SNTG1: variants seen among roughly 807,000 people sequenced by gnomAD.
SNTG1 encodes gamma-1-syntrophin.
SNTG1 carries 39 observed loss-of-function variants against 74.7 expected under a neutral mutation model. The ratio of observed to expected loss-of-function variants is 0.52; its 90% CI spans 0.40 to 0.68. The LOEUF is 0.68. SNTG1 is among the 30% of genes least tolerant of loss of function. The pLI is 0.00. For synonymous variants in SNTG1, 254 were observed against 217.1 expected (o/e 1.17, Z -1.49); for missense variants, 685 against 609.5 (o/e 1.12, Z -1.30).
chr8:50,092,801 G>A (rs1455171355), intron 1 of SNTG1, among the ~76,000 whole-genome samples: 6 of 151,992 alleles, frequency 3.9e-5, no homozygotes, highest in East Asian at 1.9e-4. Context: ...AATATTATTC[G>A]ACAGTCTCTG....
In SNTG1 at chr8:50,792,903, G is replaced by A; in HGVS notation, c.*74G>A. ...CATTTACTCATCATTTTAGACCCTAGAGAAACCATAACATCACCAAGTCGA... is the reference window on the plus strand; with the variant it reads ...CATTTACTCATCATTTTAGACCCTAAAGAAACCATAACATCACCAAGTCGA... On this transcript the variant is annotated 3_prime_UTR_variant, in exon 19 of 19. Transcript: ENST00000642720. 1 of 1,437,462 alleles carries A rather than the reference G, an allele frequency of 7.0e-7. No homozygotes were observed. The highest frequency in any genetic ancestry group is 9.2e-7 in the Non-Finnish European group (1 of 1,085,802). 89.0% of individuals were successfully genotyped at this position (1,437,462 alleles called of 1,614,324 possible).
chr8:50,427,768 C>A (rs911034197), intron 4 of SNTG1, among the ~76,000 whole-genome samples: 3 of 144,444 alleles, frequency 2.1e-5, no homozygotes, highest in South Asian at 2.1e-4. Flanking sequence ...ATTCTCAGAA[C>A]AAATTTACTC....
chr8:50,267,350 G>A (rs555102280), intron 2 of SNTG1, among the ~76,000 whole-genome samples: 9 of 152,118 alleles, frequency 5.9e-5, no homozygotes, highest in Non-Finnish European at 1.2e-4. Context: ...AGTGGGTGAA[G>A]CATTTGAATA....
chr8:50,591,739 A>T (rs1172784382), intron 13 of SNTG1, among the ~76,000 whole-genome samples: 1 of 152,328 alleles, frequency 6.6e-6, no homozygotes, highest in East Asian at 1.9e-4. Context: ...GCCATGTGTA[A>T]CTAGAACACT....
chr8:50,506,376 A>C (rs543528068), intron 9 of SNTG1, among the ~76,000 whole-genome samples: 2 of 152,206 alleles, frequency 1.3e-5, no homozygotes, highest in East Asian at 3.9e-4. Flanking sequence ...CTATTTCTGC[A>C]AAATAATACC....
intron 1 of SNTG1, among the ~76,000 whole-genome samples, chr8:50,030,768 G>A (rs991112036): frequency 6.6e-6 from 1 of 151,844 alleles, no homozygotes; most frequent in Non-Finnish European, 1.5e-5. Flanking sequence ...TTAATTGAAT[G>A]AAATGTTTTC....
At chr8:50,199,859 A>G (rs1257221437) in intron 2 of SNTG1, among the ~76,000 whole-genome samples, 1 of 152,140 alleles carries the variant, frequency 6.6e-6, no homozygotes, top group Non-Finnish European at 1.5e-5. Flanking sequence ...TGTAGGGAAT[A>G]TTGATTCTGA....
At position 50,138,310 on chromosome 8, in the gene SNTG1, T is replaced by A. The variant is rs570509755; in HGVS notation, c.-102-34251T>A. 3.9e-5 allele frequency among the ~76,000 whole-genome samples: 6 copies of A among 152,012 alleles called. No individual in the cohort carries two copies. The South Asian group carries it at 1.2e-3, about 32-fold the overall frequency. ...ATTCAGCATGATGCCACTGGAAATA[T>A]ACCAACCTTAATAATAAGAGTTCTG... On this transcript the variant is annotated intron_variant, in intron 1 of 18. Coordinates refer to ENST00000642720, the MANE Select transcript of SNTG1 (RefSeq NM_018967.5).
At position 50,437,552 on chromosome 8, in the gene SNTG1, A is replaced by G. The variant is rs911467973; in HGVS notation, c.163-991A>G. ...AACAAGAGAATGAGGGAAGCAATTCATCTGTAAGAAAGAGGGCAGTATTTA... is the reference window on the plus strand; with the variant it reads ...AACAAGAGAATGAGGGAAGCAATTCGTCTGTAAGAAAGAGGGCAGTATTTA... On this transcript the variant is annotated intron_variant, in intron 4 of 18. Coordinates refer to ENST00000642720, the MANE Select transcript of SNTG1 (RefSeq NM_018967.5). Among the ~76,000 whole-genome samples, 10 of 152,186 alleles carry G rather than the reference A, an allele frequency of 6.6e-5. No individual in the cohort carries two copies. In the East Asian group the frequency reaches 1.7e-3, roughly 26 times the overall value.
At chr8:50,629,438 A>G (rs1170598917) in intron 13 of SNTG1, among the ~76,000 whole-genome samples, 3 of 152,098 alleles carry the variant, frequency 2.0e-5, no homozygotes, top group Non-Finnish European at 4.4e-5. Context: ...AGATAACTCA[A>G]TTTAGATATT....
At chr8:50,760,290 CAG>C (rs768476176) in intron 18 of SNTG1, among the ~76,000 whole-genome samples, 22 of 152,178 alleles carry the variant, frequency 1.4e-4, no homozygotes, top group Non-Finnish European at 2.6e-4. Context: ...CATCTGCAAA[CAG>C]AAATATTTTG....
intron 2 of SNTG1, among the ~76,000 whole-genome samples, chr8:50,254,127 G>A (rs923314922): frequency 6.6e-6 from 1 of 152,228 alleles, no homozygotes; most frequent in Non-Finnish European, 1.5e-5. Context: ...ATTATACAAT[G>A]TATATATGTA....
intron 12 of SNTG1, among the ~76,000 whole-genome samples, chr8:50,584,533 C>T (rs1476107560): frequency 1.1e-4 from 11 of 98,272 alleles, no homozygotes; most frequent in Non-Finnish European, 1.5e-4. Flanking sequence ...TTTTTTTTGA[C>T]ACGGTGTTTC....
chr8:50,792,858 A>G lies in SNTG1; in HGVS notation c.*29A>G. On this transcript the variant is annotated 3_prime_UTR_variant, in exon 19 of 19. Transcript: ENST00000642720. ...ACTGAACTCTTCATTGACACACCCC[A>G]TGACTGTATAAGCAGGACACATTTA... 1 of 1,595,816 alleles carries G rather than the reference A, an allele frequency of 6.3e-7. No individual in the cohort carries two copies. The highest frequency in any genetic ancestry group is 8.5e-7 in the Non-Finnish European group (1 of 1,170,390).
At chr8:49,995,415 CT>C (rs1199985864) in intron 1 of SNTG1, among the ~76,000 whole-genome samples, 1 of 152,156 alleles carries the variant, frequency 6.6e-6, no homozygotes, top group African/African-American at 2.4e-5. Context: ...GAATTCTTGT[CT>C]ACTGAGAACT....
At chr8:50,317,119 AGGGGG>A (rs2090346567) in intron 2 of SNTG1, among the ~76,000 whole-genome samples, 1 of 152,076 alleles carries the variant, frequency 6.6e-6, no homozygotes, top group African/African-American at 2.4e-5. Context: ...TAGATTCCTT[AGGGGG>A]ATTATTTCCT....
rs754072638 is a variant in SNTG1, at chr8:50,537,050, TTTTA to T, written c.680+245_680+248del. Among the ~76,000 whole-genome samples the T allele has an allele frequency of 1.1e-4, 16 of 152,320 alleles. No individual in the cohort carries two copies. In the East Asian group the frequency reaches 3.1e-3, roughly 29 times the overall value. ...TGGATTCAATAGACTCAATAGATAG[TTTTA>T]TTAAGTTTTCATATTTCATATTTGT... is the stretch of plus-strand genomic sequence containing the variant. On this transcript the variant is annotated intron_variant, in intron 11 of 18. Coordinates refer to ENST00000642720, the MANE Select transcript of SNTG1 (RefSeq NM_018967.5).
At chr8:50,663,459 G>A (rs527472151) in intron 15 of SNTG1, among the ~76,000 whole-genome samples, 10 of 152,158 alleles carry the variant, frequency 6.6e-5, no homozygotes, top group African/African-American at 1.2e-4. Context: ...CATGGACAGC[G>A]GGCTAGGAGG....
chr8:50,568,614 C>G (rs2094529405), intron 12 of SNTG1, among the ~76,000 whole-genome samples: 1 of 152,066 alleles, frequency 6.6e-6, no homozygotes, highest in South Asian at 2.1e-4. Context: ...TCATATACCT[C>G]TTGGCCATTC....
Sources: gnomAD v4.1 joint callset for allele counts (sites outside exome capture counted in the v4.1 genomes callset) on GRCh38, gnomAD v4.1.1 for gene constraint, MANE v1.5 for transcripts, NCBI Gene and HGNC (gene_info 2026-07-23, HGNC 2026-07-21) for gene names.